Variants in OPCML observed in about 807,000 individuals in gnomAD.
OPCML encodes opioid-binding protein/cell adhesion molecule.
Under a neutral mutation model 37.8 loss-of-function variants are expected in OPCML, and 13 were observed. The observed-to-expected ratio is 0.34, with a 90% CI of 0.22 to 0.55. The LOEUF is 0.55. Ranked by LOEUF, OPCML falls within the 20% of genes least tolerant of loss-of-function variation. The pLI, the probability that OPCML is intolerant of heterozygous loss-of-function variation, is 0.91. For synonymous variants in OPCML, 176 were observed against 168.8 expected, an observed-to-expected ratio of 1.04 and a Z score of -0.33; for missense variants, 341 against 435.6, an observed-to-expected ratio of 0.78 and a Z score of 1.93.
chr11:132,715,999 G>T (rs115367806), intron 2 of OPCML, among the ~76,000 whole-genome samples: 1 of 152,232 alleles, frequency 6.6e-6, no homozygotes, highest in Non-Finnish European at 1.5e-5. Context: ...AAAAAAATTC[G>T]GTGCCAATTA....
intron 1 of OPCML, among the ~76,000 whole-genome samples, chr11:133,305,440 A>G (rs1942891445): frequency 6.6e-6 from 1 of 152,244 alleles, no homozygotes; most frequent in Non-Finnish European, 1.5e-5. Flanking sequence ...GAACTCAAAT[A>G]AACATATCAT....
chr11:133,268,135 C>T (rs1442035280), intron 1 of OPCML, among the ~76,000 whole-genome samples: 2 of 152,158 alleles, frequency 1.3e-5, no homozygotes, highest in African/African-American at 4.8e-5. Context: ...CTGGCAACCC[C>T]TCAAGGCCAG....
chr11:133,409,094 G>A (rs1248083364), intron 1 of OPCML, among the ~76,000 whole-genome samples: 1 of 152,122 alleles, frequency 6.6e-6, no homozygotes, highest in Non-Finnish European at 1.5e-5. Context: ...GACGAGCGTG[G>A]GCTGTGGAAG....
chr11:132,637,560 A>AT (rs1003235097), intron 3 of OPCML, among the ~76,000 whole-genome samples: 1 of 151,882 alleles, frequency 6.6e-6, no homozygotes, highest in Admixed American at 6.6e-5. Context: ...GCTGAATTTT[A>AT]TTTTTTTGGC....
intron 4 of OPCML, among the ~76,000 whole-genome samples, chr11:132,474,176 G>T (rs867640461): frequency 1.1e-4 from 17 of 152,254 alleles, no homozygotes; most frequent in Non-Finnish European, 2.1e-4. Context: ...TAATCACAGA[G>T]TCAGAAACAT....
chr11:132,717,204 A>G (rs908824207), intron 2 of OPCML, among the ~76,000 whole-genome samples: 3 of 152,344 alleles, frequency 2.0e-5, no homozygotes, highest in South Asian at 2.1e-4. Context: ...GGATGCTAAC[A>G]GTCTTACTTT....
At chr11:132,825,807 G>A (rs1361083987) in intron 2 of OPCML, among the ~76,000 whole-genome samples, 1 of 152,224 alleles carries the variant, frequency 6.6e-6, no homozygotes, top group African/African-American at 2.4e-5. Flanking sequence ...CAGTAGAGAA[G>A]GGAATACACC....
chr11:132,932,680 T>TTA (rs1555054535), intron 2 of OPCML, among the ~76,000 whole-genome samples: 12 of 128,744 alleles, frequency 9.3e-5, no homozygotes, highest in Non-Finnish European at 1.7e-4. Flanking sequence ...GTGAATTCAG[T>TTA]TATATATATA....
intron 3 of OPCML, among the ~76,000 whole-genome samples, chr11:132,539,531 C>G (rs61906366): frequency 6.6e-6 from 1 of 150,710 alleles, no homozygotes; most frequent in African/African-American, 2.5e-5. Context: ...GCTGCTGCTG[C>G]TGATGATGAT....
intron 4 of OPCML, among the ~76,000 whole-genome samples, chr11:132,462,588 T>C (rs1451220442): frequency 6.6e-6 from 1 of 152,110 alleles, no homozygotes; most frequent in African/African-American, 2.4e-5. Context: ...CTGGCTAGAG[T>C]CTCCTTGGTA....
intron 1 of OPCML, among the ~76,000 whole-genome samples, chr11:133,417,441 C>T (rs1162804513): frequency 6.6e-6 from 1 of 151,914 alleles, no homozygotes; most frequent in African/African-American, 2.4e-5. Flanking sequence ...ACAGAGCAAG[C>T]AAGTCACTAG....
intron 1 of OPCML, among the ~76,000 whole-genome samples, chr11:133,292,386 C>T (rs1372900227): frequency 1.3e-5 from 2 of 152,120 alleles, no homozygotes; most frequent in African/African-American, 4.8e-5. Flanking sequence ...CCACTTGTTT[C>T]CCTCTAGGAA....
intron 1 of OPCML, among the ~76,000 whole-genome samples, chr11:133,407,623 TG>T (rs890370723): frequency 3.3e-4 from 50 of 152,118 alleles, no homozygotes; most frequent in African/African-American, 1.2e-3. Flanking sequence ...AACCCACACG[TG>T]GGTGGCACCT....
intron 3 of OPCML, among the ~76,000 whole-genome samples, chr11:132,539,737 T>G: frequency 6.6e-6 from 1 of 151,980 alleles, no homozygotes; most frequent in Admixed American, 6.6e-5. Flanking sequence ...GTGATAATGA[T>G]GGTGATGGTG....
At chr11:133,503,767 A>G (rs1044911666) in intron 1 of OPCML, among the ~76,000 whole-genome samples, 35 of 152,294 alleles carry the variant, frequency 2.3e-4, no homozygotes, top group Admixed American at 6.5e-4. Context: ...TCTGACTTCT[A>G]TCTCAAAGAT....
chr11:133,247,901 A>T (rs1310922823), intron 1 of OPCML, among the ~76,000 whole-genome samples: 1 of 152,132 alleles, frequency 6.6e-6, no homozygotes, highest in East Asian at 1.9e-4. Context: ...GAGCCACCGC[A>T]CCCAGCCTCA....
intron 1 of OPCML, among the ~76,000 whole-genome samples, chr11:133,340,026 T>C (rs1045145793): frequency 6.6e-6 from 1 of 152,216 alleles, no homozygotes; most frequent in African/African-American, 2.4e-5. Context: ...CTTTCTGGAA[T>C]CTTTGGTGCC....
At chr11:132,880,125 C>A (rs777698437) in intron 2 of OPCML, among the ~76,000 whole-genome samples, 8 of 152,130 alleles carry the variant, frequency 5.3e-5, no homozygotes. Flanking sequence ...TCTTTGTATT[C>A]TTTCCTACCT....
At chr11:133,167,892 C>T (rs1950233707) in intron 1 of OPCML, among the ~76,000 whole-genome samples, 1 of 152,170 alleles carries the variant, frequency 6.6e-6, no homozygotes, top group African/African-American at 2.4e-5. Context: ...CTTAACATTC[C>T]TATCTATCTT....
Sources: gnomAD v4.1 joint callset for allele counts (sites outside exome capture counted in the v4.1 genomes callset) on GRCh38, gnomAD v4.1.1 for gene constraint, MANE v1.5 for transcripts, NCBI Gene and HGNC (gene_info 2026-07-23, HGNC 2026-07-21) for gene names.